Variants in DCC observed in about 807,000 individuals in gnomAD.
The protein encoded by DCC is netrin receptor DCC.
DCC carries 58 observed loss-of-function variants against 172.5 expected under a neutral mutation model. That is an observed-to-expected ratio of 0.34 (90% CI 0.27 to 0.42). DCC has a LOEUF of 0.42. Ranked by LOEUF, DCC falls within the 10% of genes least tolerant of loss-of-function variation. DCC has a pLI of 1.00. For missense variants in DCC, 1,740 were observed against 1,791.0 expected (o/e 0.97, Z 0.51); for synonymous variants, 709 against 644.5 (o/e 1.10, Z -1.52).
intron 7 of DCC, among the ~76,000 whole-genome samples, chr18:53,098,095 C>T (rs1018013735): frequency 6.6e-6 from 1 of 152,258 alleles, no homozygotes; most frequent in African/African-American, 2.4e-5. Flanking sequence ...CTAAATTTCA[C>T]AACTAGAAAT....
chr18:53,219,794 A>G (rs1342394316), intron 12 of DCC, among the ~76,000 whole-genome samples: 3 of 152,180 alleles, frequency 2.0e-5, no homozygotes, highest in African/African-American at 4.8e-5. Context: ...TTCAGCAATC[A>G]TATGATTTCC....
At chr18:53,006,556 A>G (rs2041649592) in intron 5 of DCC, among the ~76,000 whole-genome samples, 1 of 152,236 alleles carries the variant, frequency 6.6e-6, no homozygotes, top group Non-Finnish European at 1.5e-5. Context: ...GCTCTAACAC[A>G]GAGATGTGGA....
chr18:53,405,502 C>T (rs765521875), intron 19 of DCC, among the ~76,000 whole-genome samples: 7 of 152,144 alleles, frequency 4.6e-5, no homozygotes, highest in African/African-American at 7.2e-5. Context: ...GGCACTGACA[C>T]GAATCGGCTA....
chr18:53,045,921 G>A (rs984236189), intron 5 of DCC, among the ~76,000 whole-genome samples: 1 of 151,834 alleles, frequency 6.6e-6, no homozygotes, highest in Non-Finnish European at 1.5e-5. Context: ...GACTGGGCAG[G>A]AAACCATTCA....
At chr18:53,449,138 A>C (rs1035075088) in intron 22 of DCC, among the ~76,000 whole-genome samples, 1 of 152,242 alleles carries the variant, frequency 6.6e-6, no homozygotes, top group Non-Finnish European at 1.5e-5. Flanking sequence ...TAGGTTATTA[A>C]AGAAAAATAA....
chr18:52,344,399 T>C (rs1264284042), intron 1 of DCC, among the ~76,000 whole-genome samples: 1 of 152,228 alleles, frequency 6.6e-6, no homozygotes, highest in Non-Finnish European at 1.5e-5. Context: ...GAAGTTGTGA[T>C]ACTGCATCTT....
At chr18:53,333,095 G>C (rs946473574) in intron 14 of DCC, among the ~76,000 whole-genome samples, 4 of 150,872 alleles carry the variant, frequency 2.7e-5, no homozygotes, top group Non-Finnish European at 5.9e-5. Flanking sequence ...GGAGAATATT[G>C]ACAAAATATT....
At chr18:52,945,620 C>T (rs1056957040) in intron 5 of DCC, among the ~76,000 whole-genome samples, 2 of 152,312 alleles carry the variant, frequency 1.3e-5, no homozygotes, top group South Asian at 4.1e-4. Flanking sequence ...AGCACCAATT[C>T]TTCTGAGTTG....
At chr18:52,814,543 A>C (rs138196087) in intron 2 of DCC, among the ~76,000 whole-genome samples, 1 of 152,238 alleles carries the variant, frequency 6.6e-6, no homozygotes, top group Non-Finnish European at 1.5e-5. Context: ...TGAAAAATGT[A>C]GTCTTGCATA....
chr18:52,511,145 G>A (rs1003982815), intron 1 of DCC, among the ~76,000 whole-genome samples: 1 of 151,964 alleles, frequency 6.6e-6, no homozygotes, highest in Non-Finnish European at 1.5e-5. Context: ...GCTGGGCATG[G>A]TGGTGCATGC....
intron 1 of DCC, among the ~76,000 whole-genome samples, chr18:52,628,522 G>A (rs1210737021): frequency 6.6e-6 from 1 of 152,180 alleles, no homozygotes; most frequent in African/African-American, 2.4e-5. Flanking sequence ...CATTCATCCA[G>A]TCATTTAATT....
chr18:52,900,990 A>G (rs1332185031), intron 2 of DCC, among the ~76,000 whole-genome samples: 1 of 152,234 alleles, frequency 6.6e-6, no homozygotes, highest in African/African-American at 2.4e-5. Flanking sequence ...CTAAACAACA[A>G]AGTGTATTGA....
chr18:52,838,262 A>C (rs1401381871), intron 2 of DCC, among the ~76,000 whole-genome samples: 3 of 152,072 alleles, frequency 2.0e-5, no homozygotes, highest in Admixed American at 6.5e-5. Context: ...TATATTATGA[A>C]TTTTTTGTTC....
intron 7 of DCC, among the ~76,000 whole-genome samples, chr18:53,135,699 A>G (rs1248541844): frequency 6.6e-6 from 1 of 152,138 alleles, no homozygotes; most frequent in Non-Finnish European, 1.5e-5. Context: ...TTTACTTTGC[A>G]TGAATGGGGG....
At chr18:52,718,287 C>A (rs1599044289) in intron 1 of DCC, among the ~76,000 whole-genome samples, 2 of 152,284 alleles carry the variant, frequency 1.3e-5, no homozygotes, top group South Asian at 4.1e-4. Context: ...TATGAAAATT[C>A]ATTCTATTCT....
chr18:52,703,737 T>C (rs1177017374), intron 1 of DCC, among the ~76,000 whole-genome samples: 6 of 152,056 alleles, frequency 3.9e-5, no homozygotes, highest in Non-Finnish European at 8.8e-5. Flanking sequence ...GAATTTTTTT[T>C]TTTGAAAATG....
rs146144050 is a variant in DCC, at chr18:52,470,733, A to G, written c.91+129855A>G. On this transcript the variant is annotated intron_variant, in intron 1 of 28. Coordinates refer to ENST00000442544, the MANE Select transcript of DCC (RefSeq NM_005215.4). The stretch of plus-strand genomic sequence containing the variant: ...CAAAATAAACATTCCCTAATGGGAA[A>G]CAAAGTATCACATTTTCTGAGAGGT... Among the ~76,000 whole-genome samples, 62 of 152,356 alleles carry G rather than the reference A, an allele frequency of 4.1e-4. 1 individual carries two copies. In the East Asian group the frequency reaches 0.011, roughly 27 times the overall value.
chr18:53,212,489 A>G (rs1479596687), intron 11 of DCC, among the ~76,000 whole-genome samples: 1 of 152,118 alleles, frequency 6.6e-6, no homozygotes, highest in African/African-American at 2.4e-5. Flanking sequence ...ACTGATCACT[A>G]AAAATACTGT....
chr18:52,810,261 G>A (rs888938997), intron 2 of DCC, among the ~76,000 whole-genome samples: 1 of 152,114 alleles, frequency 6.6e-6, no homozygotes, highest in Non-Finnish European at 1.5e-5. Flanking sequence ...TCTAAGGCAG[G>A]GAGGGGATCC....
Sources: allele counts gnomAD v4.1 joint callset (sites outside exome capture counted in the v4.1 genomes callset), GRCh38; gene constraint gnomAD v4.1.1; transcripts MANE v1.5; gene names NCBI Gene and HGNC (gene_info 2026-07-23, HGNC 2026-07-21).